SMYD3: variants seen among roughly 807,000 people sequenced by gnomAD.
SMYD3 encodes the protein SET and MYND domain containing 3.
Under a neutral mutation model 57.7 loss-of-function variants are expected in SMYD3, and 36 were observed. That is an observed-to-expected ratio of 0.62 (90% confidence interval 0.48 to 0.82). The LOEUF is 0.82. SMYD3 is among the 40% of genes least tolerant of loss of function. SMYD3 has a pLI of 0.00. For synonymous variants in SMYD3, 211 were observed against 195.0 expected (o/e 1.08, Z -0.68); for missense variants, 515 against 538.8 (o/e 0.96, Z 0.44).
At chr1:246,155,384 A>C (rs1312346313) in intron 5 of SMYD3, among the ~76,000 whole-genome samples, 1 of 152,242 alleles carries the variant, frequency 6.6e-6, no homozygotes, top group Non-Finnish European at 1.5e-5. Flanking sequence ...TTCTTGTTTC[A>C]AAATGGCAAC....
At chr1:246,338,585 G>A (rs951244583) in intron 2 of SMYD3, among the ~76,000 whole-genome samples, 1 of 152,074 alleles carries the variant, frequency 6.6e-6, no homozygotes, top group Non-Finnish European at 1.5e-5. Context: ...GCATGAACTG[G>A]CTTGAGAGAC....
At chr1:246,325,781 T>G (rs1162637163) in intron 5 of SMYD3, 2 of 152,192 alleles carry the variant, frequency 1.3e-5, no homozygotes, top group African/African-American at 4.8e-5. Flanking sequence ...TACCACAGAA[T>G]AGCCACAAAC....
At chr1:246,275,202 C>G (rs972232264) in intron 5 of SMYD3, among the ~76,000 whole-genome samples, 2 of 152,230 alleles carry the variant, frequency 1.3e-5, no homozygotes, top group Non-Finnish European at 2.9e-5. Context: ...ACAGGCCAAA[C>G]CATCTCTACC....
chr1:246,149,810 G>A (rs189811700), intron 5 of SMYD3, among the ~76,000 whole-genome samples: 1 of 152,152 alleles, frequency 6.6e-6, no homozygotes, highest in Non-Finnish European at 1.5e-5. Context: ...ATTCTAAGGA[G>A]CATCCTTGAA....
chr1:245,798,900 C>T (rs2817475), intron 10 of SMYD3, among the ~76,000 whole-genome samples: 32,268 of 152,042 alleles, frequency 0.21, 4,824 homozygotes, highest in African/African-American at 0.43. Flanking sequence ...CAGACCATGC[C>T]TTAGTGTTCC....
intron 1 of SMYD3, among the ~76,000 whole-genome samples, chr1:246,493,451 T>G (rs1016819793): frequency 6.6e-6 from 1 of 152,144 alleles, no homozygotes; most frequent in African/African-American, 2.4e-5. Flanking sequence ...AGACTCAGAT[T>G]AACTTACTTA....
At chr1:246,308,557 A>G (rs1384487548) in intron 5 of SMYD3, among the ~76,000 whole-genome samples, 5 of 152,326 alleles carry the variant, frequency 3.3e-5, no homozygotes, top group Admixed American at 3.3e-4. Flanking sequence ...GCCGACTACA[A>G]CAGCAATCTC....
intron 5 of SMYD3, among the ~76,000 whole-genome samples, chr1:246,236,852 G>GT (rs1304664476): frequency 2.0e-5 from 3 of 152,110 alleles, no homozygotes; most frequent in African/African-American, 7.2e-5. Flanking sequence ...AAAGAAGGCT[G>GT]TAAGAAAGGT....
chr1:246,190,154 G>C (rs911504226), intron 5 of SMYD3, among the ~76,000 whole-genome samples: 5 of 152,200 alleles, frequency 3.3e-5, no homozygotes, highest in African/African-American at 1.2e-4. Flanking sequence ...CTAAGTGTCA[G>C]ACCTTGGCCA....
intron 1 of SMYD3, among the ~76,000 whole-genome samples, chr1:246,391,927 AC>A (rs1572453992): frequency 6.6e-6 from 1 of 152,128 alleles, no homozygotes; most frequent in East Asian, 1.9e-4. Flanking sequence ...CTTTGAACAT[AC>A]CCTTGCACTA....
At chr1:245,867,161 C>T (rs998153136) in intron 8 of SMYD3, among the ~76,000 whole-genome samples, 7 of 152,130 alleles carry the variant, frequency 4.6e-5, no homozygotes, top group Non-Finnish European at 7.3e-5. Context: ...TTACAAGGGT[C>T]CTTAGAAGTA....
intron 10 of SMYD3, among the ~76,000 whole-genome samples, chr1:245,775,994 T>A (rs2046573208): frequency 6.6e-6 from 1 of 152,094 alleles, no homozygotes; most frequent in African/African-American, 2.4e-5. Flanking sequence ...TTTTGTGGGT[T>A]AAAATATGGT....
At chr1:246,286,579 T>A (rs182637641) in intron 5 of SMYD3, among the ~76,000 whole-genome samples, 24 of 152,358 alleles carry the variant, frequency 1.6e-4, no homozygotes, top group Admixed American at 1.5e-3. Flanking sequence ...AAGGTCTTTT[T>A]AAAAATTTTT....
At chr1:245,958,697 A>C (rs1027600902) in intron 5 of SMYD3, among the ~76,000 whole-genome samples, 17 of 152,196 alleles carry the variant, frequency 1.1e-4, no homozygotes, top group African/African-American at 2.9e-4. Context: ...TAGAAAGAAG[A>C]AGCTACATTT....
At chr1:246,279,725 T>C (rs568886442) in intron 5 of SMYD3, among the ~76,000 whole-genome samples, 12 of 152,092 alleles carry the variant, frequency 7.9e-5, no homozygotes, top group African/African-American at 2.2e-4. Flanking sequence ...TGTAGTACCA[T>C]GGGGAAGAAC....
At chr1:246,295,104 A>G (rs890533108) in intron 5 of SMYD3, among the ~76,000 whole-genome samples, 1 of 152,116 alleles carries the variant, frequency 6.6e-6, no homozygotes, top group Admixed American at 6.5e-5. Flanking sequence ...AGACAAGTTA[A>G]GGCAGGAATT....
intron 5 of SMYD3, among the ~76,000 whole-genome samples, chr1:245,984,518 A>T (rs1246428636): frequency 6.6e-6 from 1 of 152,180 alleles, no homozygotes; most frequent in Non-Finnish European, 1.5e-5. Context: ...GGAGCTCTCC[A>T]GCTTGAGTGT....
chr1:246,042,099 C>G (rs760454981), intron 5 of SMYD3, among the ~76,000 whole-genome samples: 1 of 152,094 alleles, frequency 6.6e-6, no homozygotes, highest in Non-Finnish European at 1.5e-5. Flanking sequence ...ATTTGAATGC[C>G]CATAATCCTC....
intron 5 of SMYD3, among the ~76,000 whole-genome samples, chr1:246,226,427 T>C (rs2063331554): frequency 6.6e-6 from 1 of 152,228 alleles, no homozygotes; most frequent in African/African-American, 2.4e-5. Flanking sequence ...ACCTAAGATA[T>C]ATTTTCATCA....
Sources: allele counts gnomAD v4.1 joint callset (sites outside exome capture counted in the v4.1 genomes callset), GRCh38; gene constraint gnomAD v4.1.1; transcripts MANE v1.5; gene names NCBI Gene and HGNC (gene_info 2026-07-23, HGNC 2026-07-21).